The following EHMT1 variants were observed in gnomAD, a reference collection of about 807,000 sequenced individuals.
The protein encoded by EHMT1 is histone-lysine N-methyltransferase EHMT1.
In EHMT1, 15 loss-of-function variants were observed where a neutral mutation model predicts 147.2. That is an observed-to-expected ratio of 0.10 (90% CI 0.07 to 0.16). The LOEUF (loss-of-function observed/expected upper bound fraction) is 0.16, where lower values mean the gene tolerates loss of function less well. EHMT1 is among the 10% of genes least tolerant of loss of function. The probability of loss-of-function intolerance (pLI) is 1.00; values close to 1 mark genes in which losing one functional copy is unlikely to be tolerated. For missense variants in EHMT1, 1,587 were observed against 1,772.4 expected, an observed-to-expected ratio of 0.90 and a Z score of 1.88; for synonymous variants, 795 against 709.6, an observed-to-expected ratio of 1.12 and a Z score of -1.91.
chr9:137,651,637 T>C (rs1937829319), intron 1 of EHMT1, among the ~76,000 whole-genome samples: 1 of 151,950 alleles, frequency 6.6e-6, no homozygotes, highest in South Asian at 2.1e-4. Context: ...AAAATAAAAA[T>C]ACAAAAAATT....
intron 9 of EHMT1, among the ~76,000 whole-genome samples, chr9:137,759,265 T>C (rs1441152180): frequency 6.6e-6 from 1 of 152,262 alleles, no homozygotes; most frequent in African/African-American, 2.4e-5. Context: ...ACGAAGTCCT[T>C]CGCATGGTCA....
intron 10 of EHMT1, among the ~76,000 whole-genome samples, chr9:137,765,294 T>G (rs2136414624): frequency 6.6e-6 from 1 of 152,304 alleles, no homozygotes; most frequent in East Asian, 1.9e-4. Flanking sequence ...CTACTTGTCT[T>G]TGCAGAGTAA....
At chr9:137,766,101 C>CT (rs1950200685) in intron 10 of EHMT1, among the ~76,000 whole-genome samples, 1 of 152,142 alleles carries the variant, frequency 6.6e-6, no homozygotes, top group South Asian at 2.1e-4. Flanking sequence ...CTTAAAAAAA[C>CT]TTAAACAGCC....
intron 9 of EHMT1, among the ~76,000 whole-genome samples, chr9:137,758,987 C>A (rs1383646510): frequency 1.3e-5 from 2 of 151,978 alleles, no homozygotes; most frequent in Non-Finnish European, 2.9e-5. Flanking sequence ...ATTAGCCGGG[C>A]GTAGTGGCGG....
At chr9:137,777,084 C>A in intron 12 of EHMT1, 1 of 498,166 alleles carries the variant, frequency 2.0e-6, no homozygotes, top group South Asian at 2.1e-5. Flanking sequence ...GTTTTCACAG[C>A]ACCCCCATTG....
rs1349877828 is a variant in EHMT1, at chr9:137,744,099, T to A, written c.1170+9T>A. On this transcript the variant is annotated intron_variant, in intron 6 of 26. Coordinates refer to ENST00000460843, the MANE Select transcript of EHMT1 (RefSeq NM_024757.5). Reference sequence around the variant, plus strand: ...CTGATCGCGCCCAGAAGGTATGTGTTGCTGTCTTGGGTGACAGCACAAGGA... The same window carrying A: ...CTGATCGCGCCCAGAAGGTATGTGTAGCTGTCTTGGGTGACAGCACAAGGA... The A allele has an allele frequency of 1.2e-6, 2 of 1,613,902 alleles. No individual in the cohort carries two copies.
At chr9:137,648,587 G>A (rs1441551000) in intron 1 of EHMT1, among the ~76,000 whole-genome samples, 1 of 152,020 alleles carries the variant, frequency 6.6e-6, no homozygotes, top group Non-Finnish European at 1.5e-5. Context: ...AGAGGTTGAG[G>A]TTGCAGTGAA....
chr9:137,815,983 C>A lies in EHMT1; in HGVS notation c.3295C>A (p.Pro1099Thr). Residue 1099 changes from proline (P) to threonine (T), a missense_variant, in exon 23 of 27, where the codon CCT (proline) becomes ACT (threonine). This residue lies in a region of EHMT1 where 156 missense variants were observed against 252.5 expected (regional missense o/e 0.62). Transcript: ENST00000460843. ...CCTGCCAGAGTTCAACATGGCGGAGCCTCCCTTGATCTTCGAATGCAACCA... is the reference window on the plus strand; with the variant it reads ...CCTGCCAGAGTTCAACATGGCGGAGACTCCCTTGATCTTCGAATGCAACCA... ...RLLPEFNMAE[P>T]PLIFECNHAC... The A allele has an allele frequency of 6.2e-7, 1 of 1,611,838 alleles. No homozygotes were observed. The highest frequency in any genetic ancestry group is 8.5e-7 in the Non-Finnish European group (1 of 1,178,978).
chr9:137,813,027 A>G lies in EHMT1; in HGVS notation c.2889A>G (p.Ser963=). The change falls in exon 20 of 27, where the codon TCA becomes TCG. Residue 963 remains serine (S), a synonymous_variant. Transcript: ENST00000460843. The surrounding 1 kb of genome is among the most constrained non-coding windows in gnomAD (Gnocchi z 4.9). ...DCVVLFLSRD[S]DVTLKNKEGE... The stretch of plus-strand genomic sequence containing the variant: ...TTAGCCTCTTTCTTTCTCGGGATTC[A>G]GATGTCACCTTAAAGAACAAGGAAG... 2 of 1,614,086 alleles carry G rather than the reference A, an allele frequency of 1.2e-6. No individual in the cohort carries two copies. The highest frequency in any genetic ancestry group is 1.7e-6 in the Non-Finnish European group (2 of 1,180,034).
Position 137,775,372 on chromosome 9 carries a change from G to C in EHMT1, c.1791+120G>C. 1 of 1,451,802 alleles carries C rather than the reference G, an allele frequency of 6.9e-7. No homozygotes were observed. The highest frequency in any genetic ancestry group is 1.2e-5 in the South Asian group (1 of 80,794). 89.9% of individuals were successfully genotyped at this position (1,451,802 alleles called of 1,614,324 possible). ...TGGTCCAGCAGCTGGCCCAGGTCTG[G>C]TGTCCGTCTGGAGGTCTCCAGTGTT... On this transcript the variant is annotated intron_variant, in intron 11 of 26. Transcript: ENST00000460843. This position sits in a 1 kb window ranked among gnomAD's most constrained non-coding sequence, Gnocchi z 6.1.
At chr9:137,659,173 T>C (rs993877646) in intron 1 of EHMT1, among the ~76,000 whole-genome samples, 5 of 152,146 alleles carry the variant, frequency 3.3e-5, no homozygotes, top group African/African-American at 1.2e-4. Flanking sequence ...CAAAACATAA[T>C]GTATTTTTCT....
intron 4 of EHMT1, among the ~76,000 whole-genome samples, chr9:137,736,179 T>A (rs1249699637): frequency 6.6e-6 from 1 of 152,102 alleles, no homozygotes; most frequent in East Asian, 1.9e-4. Context: ...AAAATAAAAA[T>A]TTATTTCTTT....
intron 10 of EHMT1, among the ~76,000 whole-genome samples, chr9:137,770,383 G>A (rs992903503): frequency 3.9e-5 from 6 of 152,210 alleles, no homozygotes; most frequent in East Asian, 1.9e-4. Context: ...TTACGCTGAC[G>A]TTCTTGAAAT....
At chr9:137,730,298 A>G (rs1170989475) in intron 4 of EHMT1, among the ~76,000 whole-genome samples, 3 of 152,206 alleles carry the variant, frequency 2.0e-5, no homozygotes, top group Non-Finnish European at 4.4e-5. Context: ...AGCATCTGCC[A>G]TGGCCCACGC....
intron 1 of EHMT1, among the ~76,000 whole-genome samples, chr9:137,634,053 T>C (rs972709249): frequency 6.6e-6 from 1 of 152,186 alleles, no homozygotes; most frequent in Non-Finnish European, 1.5e-5. Flanking sequence ...CTTCAAGTGA[T>C]CCACCTGCCT....
At chr9:137,656,693 C>T (rs1938486391) in intron 1 of EHMT1, among the ~76,000 whole-genome samples, 1 of 152,012 alleles carries the variant, frequency 6.6e-6, no homozygotes, top group South Asian at 2.1e-4. Flanking sequence ...TGGGCCTCTC[C>T]CTGCTTCTCA....
At chr9:137,734,509 G>A (rs147099491) in intron 4 of EHMT1, among the ~76,000 whole-genome samples, 208 of 152,342 alleles carry the variant, frequency 1.4e-3, no homozygotes, top group African/African-American at 4.8e-3. Context: ...TCATCAGGAG[G>A]ACCAAACAGG....
At chr9:137,648,486 C>T (rs1845066093) in intron 1 of EHMT1, among the ~76,000 whole-genome samples, 1 of 130,480 alleles carries the variant, frequency 7.7e-6, no homozygotes, top group African/African-American at 3.6e-5. Context: ...GAGACTCCTT[C>T]TCTCCAAAAA....
intron 1 of EHMT1, among the ~76,000 whole-genome samples, chr9:137,687,205 A>C (rs1455812449): frequency 6.6e-6 from 1 of 152,206 alleles, no homozygotes; most frequent in African/African-American, 2.4e-5. Flanking sequence ...TTTGCCAGTA[A>C]CACACTGTCC....
Sources: gnomAD v4.1 joint callset for allele counts (sites outside exome capture counted in the v4.1 genomes callset) on GRCh38, gnomAD v4.1.1 for gene constraint, gnomAD v4.1.1 regional missense constraint, Gnocchi (gnomAD v3.1) non-coding constraint, MANE v1.5 for transcripts, NCBI Gene and HGNC (gene_info 2026-07-23, HGNC 2026-07-21) for gene names.